Variants in NXPE2 observed in about 807,000 individuals in gnomAD.
NXPE2 encodes NXPE family member 2.
Under a neutral mutation model 34.4 loss-of-function variants are expected in NXPE2, and 34 were observed. That is an observed-to-expected ratio of 0.99 (90% CI 0.75 to 1.31). NXPE2 has a LOEUF of 1.31. Among genes scored for constraint, NXPE2 ranks in the 40% most tolerant of loss-of-function variants. NXPE2 has a pLI of 0.00. For synonymous variants in NXPE2, 235 were observed against 231.3 expected (o/e 1.02, Z -0.15); for missense variants, 649 against 672.5 (o/e 0.97, Z 0.39).
chr11:114,505,409 C>G, the NXPE2 span, among the ~76,000 whole-genome samples: 1 of 152,020 alleles, frequency 6.6e-6, no homozygotes, highest in Non-Finnish European at 1.5e-5. Flanking sequence ...AGATTATCCC[C>G]AAGACATATG....
At chr11:114,741,153 T>TG in the NXPE2 span, among the ~76,000 whole-genome samples, 1 of 152,206 alleles carries the variant, frequency 6.6e-6, no homozygotes, top group East Asian at 1.9e-4. Context: ...GTCATCCTAC[T>TG]GTCTCCTGGC....
chr11:114,548,341 A>G, the NXPE2 span, among the ~76,000 whole-genome samples: 2 of 152,030 alleles, frequency 1.3e-5, no homozygotes, highest in African/African-American at 4.8e-5. Flanking sequence ...TATATACTGA[A>G]CTCTGAATTC....
chr11:114,760,838 A>G, the NXPE2 span, among the ~76,000 whole-genome samples: 1 of 152,176 alleles, frequency 6.6e-6, no homozygotes, highest in African/African-American at 2.4e-5. Flanking sequence ...TAATCAAAAG[A>G]ACAGCTTTCC....
the NXPE2 span, among the ~76,000 whole-genome samples, chr11:114,473,782 A>G: frequency 1.3e-5 from 2 of 152,226 alleles, no homozygotes; most frequent in Non-Finnish European, 2.9e-5. Context: ...ACTCTAAAGC[A>G]AGCCTACCTG....
the NXPE2 span, among the ~76,000 whole-genome samples, chr11:114,644,689 G>GGTA: frequency 6.6e-6 from 1 of 151,860 alleles, no homozygotes; most frequent in East Asian, 1.9e-4. Flanking sequence ...TCATAAAGAT[G>GGTA]GTAATTCCCC....
At chr11:114,760,436 T>C in the NXPE2 span, among the ~76,000 whole-genome samples, 16,478 of 152,214 alleles carry the variant, frequency 0.11, 1,020 homozygotes, top group Middle Eastern at 0.16. Flanking sequence ...GCCACCTGAA[T>C]GGATTAAAAC....
At chr11:114,748,673 T>C in the NXPE2 span, among the ~76,000 whole-genome samples, 1 of 152,230 alleles carries the variant, frequency 6.6e-6, no homozygotes, top group Non-Finnish European at 1.5e-5. Context: ...TGTGTTCTTC[T>C]TGTCACATGC....
chr11:114,628,186 G>C, the NXPE2 span, among the ~76,000 whole-genome samples: 1 of 144,288 alleles, frequency 6.9e-6, no homozygotes, highest in Non-Finnish European at 1.5e-5. Context: ...GACATCTACA[G>C]AACTCTCCAC....
the NXPE2 span, among the ~76,000 whole-genome samples, chr11:114,750,793 G>A: frequency 2.0e-5 from 3 of 152,134 alleles, no homozygotes; most frequent in Non-Finnish European, 4.4e-5. Context: ...CTTGCCAATG[G>A]CCATCTAACT....
chr11:114,467,657 G>T, the NXPE2 span, among the ~76,000 whole-genome samples: 1 of 152,056 alleles, frequency 6.6e-6, no homozygotes, highest in African/African-American at 2.4e-5. Flanking sequence ...AACTATCGGC[G>T]GGTGCAGTGG....
chr11:114,707,486 C>A, downstream of NXPE2: 1 of 358,964 alleles, frequency 2.8e-6, no homozygotes, highest in Non-Finnish European at 5.7e-6. Flanking sequence ...CCTCTGCCTC[C>A]CGGGTTCAAG....
chr11:114,643,774 GT>G, the NXPE2 span, among the ~76,000 whole-genome samples: 1,279 of 149,356 alleles, frequency 8.6e-3, 18 homozygotes, highest in African/African-American at 0.029. Context: ...ACTTAAAGTA[GT>G]TTTTTTTTTA....
the NXPE2 span, among the ~76,000 whole-genome samples, chr11:114,813,196 A>G: frequency 5.9e-5 from 9 of 152,356 alleles, no homozygotes; most frequent in East Asian, 1.7e-3. Context: ...GTTATAATCA[A>G]AAAGGTGTAA....
the NXPE2 span, among the ~76,000 whole-genome samples, chr11:114,742,204 G>A: frequency 1.3e-5 from 2 of 152,142 alleles, no homozygotes; most frequent in Admixed American, 6.5e-5. Context: ...TTGTCCATGA[G>A]GTTGTGCAGG....
chr11:114,569,482 T>C, the NXPE2 span, among the ~76,000 whole-genome samples: 1 of 152,086 alleles, frequency 6.6e-6, no homozygotes, highest in Non-Finnish European at 1.5e-5. Flanking sequence ...CATATACATA[T>C]AGGTAAGAAT....
At chr11:114,786,701 T>C in the NXPE2 span, among the ~76,000 whole-genome samples, 4 of 152,150 alleles carry the variant, frequency 2.6e-5, no homozygotes, top group African/African-American at 7.2e-5. Flanking sequence ...ACCCATATCA[T>C]TGTTTCTAGT....
the NXPE2 span, among the ~76,000 whole-genome samples, chr11:114,532,448 G>T: frequency 7.9e-5 from 12 of 152,154 alleles, no homozygotes; most frequent in Non-Finnish European, 1.5e-4. Flanking sequence ...AAATAATCAT[G>T]TAATATATAA....
the NXPE2 span, chr11:114,552,234 T>C: frequency 6.6e-6 from 1 of 152,136 alleles, no homozygotes. Flanking sequence ...ATCTATGACT[T>C]CCCAATTACT....
chr11:114,549,663 A>C, the NXPE2 span, among the ~76,000 whole-genome samples: 7 of 152,222 alleles, frequency 4.6e-5, no homozygotes, highest in Admixed American at 6.5e-5. Flanking sequence ...TGTCACCAAA[A>C]TCAGGAACAA....
Sources: allele counts gnomAD v4.1 joint callset (sites outside exome capture counted in the v4.1 genomes callset), GRCh38; gene constraint gnomAD v4.1.1; transcripts MANE v1.5; gene names NCBI Gene and HGNC (gene_info 2026-07-23, HGNC 2026-07-21).